POLD3: variants seen among roughly 807,000 people sequenced by gnomAD.
POLD3 encodes the protein DNA polymerase delta 3, accessory subunit.
POLD3 carries 19 observed loss-of-function variants against 58.2 expected under a neutral mutation model. The observed-to-expected ratio is 0.33, with a 90% CI of 0.23 to 0.48. The LOEUF is 0.48. POLD3 is among the 20% of genes least tolerant of loss of function. The probability of loss-of-function intolerance (pLI) is 0.99; values close to 1 mark genes in which losing one functional copy is unlikely to be tolerated. For synonymous variants in POLD3, 172 were observed against 193.5 expected (o/e 0.89, Z 0.92); for missense variants, 504 against 545.5 (o/e 0.92, Z 0.76).
At chr11:74,607,244 ATATTTATTTATTTATT>A in intron 3 of POLD3, among the ~76,000 whole-genome samples, 1 of 123,432 alleles carries the variant, frequency 8.1e-6, no homozygotes, top group South Asian at 2.8e-4. Flanking sequence ...TTATTATTAT[ATATTTATTTATTTATT>A]TATTTATTTA....
Position 74,642,110 on chromosome 11 carries a change from G to GT in POLD3, c.*1345dup. 1 of 985,438 alleles carries GT rather than the reference G, an allele frequency of 1.0e-6. No individual in the cohort carries two copies. Among genetic ancestry groups the GT allele is most frequent in the South Asian group, 4.7e-5 (1 of 21,288 alleles). The allele number at this position is 985,438 out of a possible 1,614,324, so 61.0% of individuals were successfully genotyped here. ...CTGGCTTCTTTTGCCTCAAGATGGTGTATGTCGTAAGTGATGCAATCAGCT... is the reference window on the plus strand; with the variant it reads ...CTGGCTTCTTTTGCCTCAAGATGGTGTTATGTCGTAAGTGATGCAATCAGCT... On this transcript the variant is annotated 3_prime_UTR_variant, in exon 12 of 12. Coordinates refer to ENST00000263681, the MANE Select transcript of POLD3 (RefSeq NM_006591.3).
chr11:74,617,009 G>A lies in POLD3; in HGVS notation c.393-1528G>A, dbSNP rs902032900. Among the ~76,000 whole-genome samples the A allele has an allele frequency of 5.3e-5, 8 of 152,220 alleles. No homozygotes were observed. The East Asian group carries it at 7.7e-4, about 15-fold the overall frequency. On this transcript the variant is annotated intron_variant, in intron 5 of 11. Coordinates refer to ENST00000263681, the MANE Select transcript of POLD3 (RefSeq NM_006591.3). ...TTCTATGTGCCAGGTCTTGAGCTGGGTGCCTGAAATAAAAAAGATAAATAA... is the reference window on the plus strand; with the variant it reads ...TTCTATGTGCCAGGTCTTGAGCTGGATGCCTGAAATAAAAAAGATAAATAA...
At chr11:74,653,488 T>C (rs903043535) in intron 4 of POLD3, among the ~76,000 whole-genome samples, 2 of 152,220 alleles carry the variant, frequency 1.3e-5, no homozygotes, top group African/African-American at 4.8e-5. Flanking sequence ...ACAACTTAAC[T>C]GTTTTAAGTT....
chr11:74,612,954 G>A lies in POLD3; in HGVS notation c.336G>A (p.Gly112=), dbSNP rs755305945. 6.2e-7 allele frequency: 1 copy of A among 1,613,634 alleles called. No homozygotes were observed. Among genetic ancestry groups the A allele is most frequent in the East Asian group, 2.2e-5 (1 of 44,876 alleles). Residue 112 remains glycine, a synonymous_variant, in exon 5 of 12, where the codon GGG becomes GGA. Transcript: ENST00000263681. Reference sequence around the variant, plus strand: ...AGAAAGCCATGCTAAAGGACAGTGGGCCTCTGTTCAATACTGACTATGACA... The same window carrying A: ...AGAAAGCCATGCTAAAGGACAGTGGACCTCTGTTCAATACTGACTATGACA... The part of the protein sequence containing the change: ...SIQKAMLKDS[G]PLFNTDYDIL...
At chr11:74,640,233 T>G (rs2032873887) in intron 11 of POLD3, among the ~76,000 whole-genome samples, 1 of 152,170 alleles carries the variant, frequency 6.6e-6, no homozygotes, top group African/African-American at 2.4e-5. Flanking sequence ...GATATAGAGT[T>G]CAGGAAGTTA....
chr11:74,635,418 G>A (rs1379024177), intron 10 of POLD3, among the ~76,000 whole-genome samples: 1 of 152,200 alleles, frequency 6.6e-6, no homozygotes, highest in Non-Finnish European at 1.5e-5. Context: ...GGCCAGGCGT[G>A]TTGGCTCACA....
At chr11:74,619,688 GCTTTGTGTACATACTGC>G (rs2032191626) in intron 6 of POLD3, among the ~76,000 whole-genome samples, 1 of 152,136 alleles carries the variant, frequency 6.6e-6, no homozygotes, top group African/African-American at 2.4e-5. Flanking sequence ...AGGTTTTCCC[GCTTTGTGTACATACTGC>G]CTCTGATCTT....
At chr11:74,643,710 A>C (rs1591323897), downstream of POLD3, among the ~76,000 whole-genome samples, 1 of 152,218 alleles carries the variant, frequency 6.6e-6, no homozygotes, top group African/African-American at 2.4e-5. Context: ...CTTGCTAAGC[A>C]GTTTGGATTT....
At chr11:74,598,763 T>C (rs930435756) in intron 2 of POLD3, among the ~76,000 whole-genome samples, 52 of 152,132 alleles carry the variant, frequency 3.4e-4, no homozygotes, top group African/African-American at 1.1e-3. Flanking sequence ...ACTTCTTACA[T>C]AGAAGCTCAG....
At position 74,594,059 on chromosome 11, in the gene POLD3, A is replaced by G; in HGVS notation, c.61-2A>G. ...CATTTGAAAAATTTTTTCTTGTTAC[A>G]GGTGACATACAAATGGCTGAGCTAT... On this transcript the variant is annotated splice_acceptor_variant, in intron 1 of 11. Coordinates refer to ENST00000263681, the MANE Select transcript of POLD3 (RefSeq NM_006591.3). LOFTEE classifies it high-confidence loss of function. 5 of 1,592,536 alleles carry G rather than the reference A, an allele frequency of 3.1e-6. No individual in the cohort carries two copies. The highest frequency in any genetic ancestry group is 4.3e-6 in the Non-Finnish European group (5 of 1,160,722).
At chr11:74,665,740 T>C (rs561150004) in intron 4 of POLD3, among the ~76,000 whole-genome samples, 2 of 152,014 alleles carry the variant, frequency 1.3e-5, no homozygotes, top group South Asian at 4.2e-4. Context: ...AAACTAGAAA[T>C]AGAAGGAAAC....
chr11:74,636,361 C>A, intron 11 of POLD3, 86 bp downstream of exon 11: 1 of 1,314,320 alleles, frequency 7.6e-7, no homozygotes, highest in African/African-American at 1.5e-5. Context: ...ACAGGTACAT[C>A]TCAAACTTTA....
At chr11:74,658,520 C>T (rs1239798687) in intron 4 of POLD3, among the ~76,000 whole-genome samples, 1 of 152,190 alleles carries the variant, frequency 6.6e-6, no homozygotes, top group Non-Finnish European at 1.5e-5. Flanking sequence ...TCCAAAGTCT[C>T]ATCTGAGACA....
chr11:74,641,361 A>G lies in POLD3; in HGVS notation c.*595A>G, dbSNP rs2032908243. On this transcript the variant is annotated 3_prime_UTR_variant, in exon 12 of 12. Transcript: ENST00000263681. Reference sequence around the variant, plus strand: ...TTATGCAGTACACGGACACCTGGCTACAGACCAGGACGTGGCTTGTGTTCT... The same window carrying G: ...TTATGCAGTACACGGACACCTGGCTGCAGACCAGGACGTGGCTTGTGTTCT... The G allele has an allele frequency of 2.0e-6, 2 of 985,276 alleles. No individual in the cohort carries two copies. The highest frequency in any genetic ancestry group is 3.5e-5 in the African/African-American group (2 of 57,214). The allele number at this position is 985,276 out of a possible 1,614,324, so 61.0% of individuals were successfully genotyped here.
At chr11:74,619,153 C>G (rs2032172473) in intron 6 of POLD3, among the ~76,000 whole-genome samples, 1 of 152,148 alleles carries the variant, frequency 6.6e-6, no homozygotes, top group African/African-American at 2.4e-5. Context: ...TGAGGAACAT[C>G]TTATATTCTG....
In POLD3 at chr11:74,612,886, T is replaced by A. The variant is rs2031960649; in HGVS notation, c.268T>A (p.Ser90Thr). Reference sequence around the variant, plus strand: ...TTCCTGTTGACTTGTAGCAGTGAAGTCCAAGCTAGCTGTGACTGCCAGCAT... The same window carrying A: ...TTCCTGTTGACTTGTAGCAGTGAAGACCAAGCTAGCTGTGACTGCCAGCAT... ...VREDKLEAVK[S>T]KLAVTASIHV... The change falls in exon 5 of 12, where the codon TCC becomes ACC. Residue 90 changes from serine to threonine, a missense_variant. Physicochemically the swap from Ser to Thr is moderately conservative, Grantham distance 58 (BLOSUM62 1). Transcript: ENST00000263681. 2 of 1,610,420 alleles carry A rather than the reference T, an allele frequency of 1.2e-6. No homozygotes were observed. The highest frequency in any genetic ancestry group is 1.7e-6 in the Non-Finnish European group (2 of 1,178,820).
chr11:74,600,327 G>A (rs1377834836), intron 2 of POLD3, among the ~76,000 whole-genome samples: 4 of 152,150 alleles, frequency 2.6e-5, no homozygotes, highest in African/African-American at 7.2e-5. Context: ...ACTAATGCCT[G>A]TAATCCTAGC....
At chr11:74,623,729 G>A (rs1444494146) in intron 7 of POLD3, among the ~76,000 whole-genome samples, 1 of 152,142 alleles carries the variant, frequency 6.6e-6, no homozygotes, top group Non-Finnish European at 1.5e-5. Context: ...AAGGTTTCGT[G>A]TTTTCTTGAG....
rs200711896 is a variant in POLD3 at position 74,594,020 on chromosome 11, G to A, written c.61-41G>A. 119 of 1,061,572 alleles carry A rather than the reference G, an allele frequency of 1.1e-4. 1 individual carries two copies. The East Asian group carries it at 2.8e-3, about 25-fold the overall frequency. The allele number at this position is 1,061,572 out of a possible 1,614,324, so 65.8% of individuals were successfully genotyped here. A position where few individuals can be genotyped will look rare whatever the true frequency, so the allele number is the denominator to read the frequency against. ...CTTCGGGACTGATGTGCACTCTGGA[G>A]TCATCTAATAAAACATTTGAAAAAT... On this transcript the variant is annotated intron_variant, in intron 1 of 11. Coordinates refer to ENST00000263681, the MANE Select transcript of POLD3 (RefSeq NM_006591.3).
Sources: allele counts gnomAD v4.1 joint callset (sites outside exome capture counted in the v4.1 genomes callset), GRCh38; gene constraint gnomAD v4.1.1; transcripts MANE v1.5; gene names NCBI Gene and HGNC (gene_info 2026-07-23, HGNC 2026-07-21).